MCIDAS: variants seen among roughly 807,000 people sequenced by gnomAD.
The protein encoded by MCIDAS is multiciliate differentiation and DNA synthesis associated cell cycle protein, also known as multicilin.
Under a neutral mutation model 35.4 loss-of-function variants are expected in MCIDAS, and 23 were observed. That is an observed-to-expected ratio of 0.65 (90% CI 0.47 to 0.92). The LOEUF (loss-of-function observed/expected upper bound fraction) is 0.92, where lower values mean the gene tolerates loss of function less well. MCIDAS is among the 40% of genes least tolerant of loss of function. MCIDAS has a pLI of 0.00. For missense variants in MCIDAS, 480 were observed against 531.8 expected, an observed-to-expected ratio of 0.90 and a Z score of 0.96; for synonymous variants, 228 against 235.2, an observed-to-expected ratio of 0.97 and a Z score of 0.28.
At chr5:55,220,857 G>C in intron 6 of MCIDAS, 51 bp from the exon 7 acceptor site, 1 of 1,494,308 alleles carries the variant, frequency 6.7e-7, no homozygotes. Context: ...GACCCTCCGG[G>C]TTCGGAGCGT....
rs1745407309 is a variant in MCIDAS, at chr5:55,223,782, T to C, written c.310-759A>G. ...AGGAGAATACGGGAAAAGCTTCTGT[T>C]CTGCGCACAGCCAGTGCGGCCTCCA... is the stretch of plus-strand genomic sequence containing the variant. On this transcript the variant is annotated intron_variant, in intron 3 of 6. Transcript: ENST00000513312. This position sits in a 1 kb window ranked among gnomAD's most constrained non-coding sequence, Gnocchi z 4.4. Among the ~76,000 whole-genome samples, 1 of 152,190 alleles carries C rather than the reference T, an allele frequency of 6.6e-6. No individual in the cohort carries two copies. The highest frequency in any genetic ancestry group is 6.5e-5 in the Admixed American group (1 of 15,284).
intron 4 of MCIDAS, 107 bp from the exon 5 acceptor site, chr5:55,222,506 T>G (rs947874657): frequency 9.5e-6 from 9 of 944,580 alleles, no homozygotes; most frequent in Middle Eastern, 3.2e-4. Context: ...TTTTTCTTTA[T>G]TAAATTAAGC....
intron 4 of MCIDAS, 85 bp from the exon 5 acceptor site, chr5:55,222,484 T>A (rs991927100): frequency 2.7e-6 from 3 of 1,109,358 alleles, no homozygotes; most frequent in African/African-American, 3.2e-5. Context: ...GGGTGTAGGG[T>A]GTATGTAGAG....
Position 55,223,086 on chromosome 5 carries a change from A to G in MCIDAS, c.310-63T>C. 9 of 1,353,052 alleles carry G rather than the reference A, an allele frequency of 6.7e-6. No individual in the cohort carries two copies. The highest frequency in any genetic ancestry group is 1.4e-5 in the African/African-American group (1 of 69,448). The allele number at this position is 1,353,052 out of a possible 1,614,324, so 83.8% of individuals were successfully genotyped here. A position where few individuals can be genotyped will look rare whatever the true frequency, so the allele number is the denominator to read the frequency against. On this transcript the variant is annotated intron_variant, in intron 3 of 6. Transcript: ENST00000513312. This position sits in a 1 kb window ranked among gnomAD's most constrained non-coding sequence, Gnocchi z 4.4. ...TGGCGTTAGAAAGCCTTCAATAAAT[A>G]TTGGCGTCCCTGTTAAAAATCTGGC...
chr5:55,224,788 A>T (rs991702347), intron 3 of MCIDAS, among the ~76,000 whole-genome samples: 3 of 152,132 alleles, frequency 2.0e-5, no homozygotes, highest in Admixed American at 1.3e-4. Flanking sequence ...ATGTGATCTG[A>T]GTGTCCCAGG....
In MCIDAS at chr5:55,224,047, A is replaced by G. The variant is rs116834645; in HGVS notation, c.310-1024T>C. 8.8e-3 allele frequency among the ~76,000 whole-genome samples: 1,336 copies of G among 152,214 alleles called. 18 individuals carry two copies. Among genetic ancestry groups the G allele is most frequent in the African/African-American group, 0.03 (1,261 of 41,544 alleles). On this transcript the variant is annotated intron_variant, in intron 3 of 6. Coordinates refer to ENST00000513312, the MANE Select transcript of MCIDAS (RefSeq NM_001190787.3). ...AGTTCATCCTCATACCAGTGTGGGA[A>G]GCGGCAGGGGCCTAACTGATTCCTC...
intron 3 of MCIDAS, among the ~76,000 whole-genome samples, chr5:55,226,287 G>A (rs777095237): frequency 6.6e-6 from 1 of 152,172 alleles, no homozygotes; most frequent in Non-Finnish European, 1.5e-5. Context: ...TCTTGTCACA[G>A]CTCCAAAGAG....
chr5:55,220,790 T>C lies in MCIDAS; in HGVS notation c.734A>G (p.Gln245Arg). ...GGCCGCCGCCCCACAATCCCGGGAC[T>C]GTGTGATCATCAGCTTCTACGAAAG... is the stretch of plus-strand genomic sequence containing the variant. ...ASVLDKLMITQSRDCGAAAEP... is the reference protein window; with the variant it reads ...ASVLDKLMITRSRDCGAAAEP... The change falls in exon 7 of 7, where the codon CAG becomes CGG. Residue 245 changes from glutamine to arginine, a missense_variant. By Grantham distance (43) the Gln-to-Arg change is conservative (BLOSUM62 1). Transcript: ENST00000513312. 9.2e-6 allele frequency: 14 copies of C among 1,527,290 alleles called. No individual in the cohort carries two copies. Among genetic ancestry groups the C allele is most frequent in the Non-Finnish European group, 1.2e-5 (14 of 1,140,018 alleles). The allele number at this position is 1,527,290 out of a possible 1,614,324, so 94.6% of individuals were successfully genotyped here.
At chr5:55,221,934 AT>A (rs1462576536) in intron 5 of MCIDAS, among the ~76,000 whole-genome samples, 1 of 152,114 alleles carries the variant, frequency 6.6e-6, no homozygotes, top group Non-Finnish European at 1.5e-5. Context: ...CAAAAAAAAA[AT>A]GAATAAATAA....
rs539366548 is a variant in MCIDAS at position 55,220,941 on chromosome 5, C to G, written c.717+75G>C. 5.5e-6 allele frequency: 8 copies of G among 1,459,122 alleles called. No homozygotes were observed. In the African/African-American group the frequency reaches 1.1e-4, roughly 20 times the overall value. The allele number at this position is 1,459,122 out of a possible 1,614,324, so 90.4% of individuals were successfully genotyped here. On this transcript the variant is annotated intron_variant, in intron 6 of 6. Transcript: ENST00000513312. ...TCCTCTCCCGGGCCCCCACGGGTCC[C>G]GATGCTGGGCGGGGATGCACTGAAC...
intron 6 of MCIDAS, 25 bp from the exon 7 acceptor site, chr5:55,220,831 G>A: frequency 2.0e-6 from 3 of 1,511,612 alleles, no homozygotes; most frequent in South Asian, 1.2e-5. Context: ...GAAGAGCGCC[G>A]CCCTGGGGCC....
In MCIDAS at chr5:55,226,683, G is replaced by C. The variant is rs1016989420; in HGVS notation, c.218-16C>G. 5 of 1,480,496 alleles carry C rather than the reference G, an allele frequency of 3.4e-6. No homozygotes were observed. Among genetic ancestry groups the C allele is most frequent in the Non-Finnish European group, 4.5e-6 (5 of 1,121,794 alleles). The allele number at this position is 1,480,496 out of a possible 1,614,324, so 91.7% of individuals were successfully genotyped here. On this transcript the variant is annotated splice_polypyrimidine_tract_variant and intron_variant, in intron 2 of 6. Coordinates refer to ENST00000513312, the MANE Select transcript of MCIDAS (RefSeq NM_001190787.3). ...GTGGTGAGGGCTGCGCGGGGAGACC[G>C]GGAGACACGCGCCGGGCGGGCCCTG...
At position 55,220,238 on chromosome 5, in the gene MCIDAS, G is replaced by T; in HGVS notation, c.*128C>A. On this transcript the variant is annotated 3_prime_UTR_variant, in exon 7 of 7. Transcript: ENST00000513312. ...TGTAGCAGAAATTTACAATGCATCGGTATCAAGATGCTTTTGTTCCTGAAA... is the reference window on the plus strand; with the variant it reads ...TGTAGCAGAAATTTACAATGCATCGTTATCAAGATGCTTTTGTTCCTGAAA... The T allele has an allele frequency of 2.3e-6, 2 of 853,086 alleles. No individual in the cohort carries two copies. The highest frequency in any genetic ancestry group is 1.8e-6 in the Non-Finnish European group (1 of 568,020). The allele number at this position is 853,086 out of a possible 1,614,324, so 52.8% of individuals were successfully genotyped here.
Position 55,222,252 on chromosome 5 carries a change from G to A in MCIDAS, c.530C>T (p.Pro177Leu), listed in dbSNP as rs1233452550. ...SPPLRPPDVPPPEQYWKEVAD... is the reference protein window; with the variant it reads ...SPPLRPPDVPLPEQYWKEVAD... Reference sequence around the variant, plus strand: ...CACCTCCTTCCAGTATTGCTCAGGCGGGGGCACGTCTGGAGGGCGCAGCGG... The same window carrying A: ...CACCTCCTTCCAGTATTGCTCAGGCAGGGGCACGTCTGGAGGGCGCAGCGG... The change falls in exon 5 of 7, where the codon CCG (proline) becomes CTG (leucine). Residue 177 changes from proline (P) to leucine (L), a missense_variant. Coordinates refer to ENST00000513312, the MANE Select transcript of MCIDAS (RefSeq NM_001190787.3). 3 of 1,536,060 alleles carry A rather than the reference G, an allele frequency of 2.0e-6. No homozygotes were observed. The highest frequency in any genetic ancestry group is 2.6e-6 in the Non-Finnish European group (3 of 1,146,906).
chr5:55,220,433 G>T lies in MCIDAS; in HGVS notation c.1091C>A (p.Pro364His), dbSNP rs1288969228. ...TCTGATGGTGAAGGCATTGCCCTGG[G>T]GGAAGGCGAGGGTGCGGATGGTGCT... ...SHSTIRTLAF[P>H]QGNAFTIRTA... The change falls in exon 7 of 7, where the codon CCC becomes CAC. Residue 364 changes from proline to histidine, a missense_variant. Coordinates refer to ENST00000513312, the MANE Select transcript of MCIDAS (RefSeq NM_001190787.3). 4 of 1,536,122 alleles carry T rather than the reference G, an allele frequency of 2.6e-6. No homozygotes were observed. In the South Asian group the frequency reaches 4.8e-5, roughly 18 times the overall value.
chr5:55,220,703 C>T lies in MCIDAS; in HGVS notation c.821G>A (p.Gly274Glu), dbSNP rs181843638. 931 of 1,536,024 alleles carry T rather than the reference C, an allele frequency of 6.1e-4. 10 individuals are homozygous for T. In the Admixed American group the frequency reaches 0.014, roughly 23 times the overall value. The part of the protein sequence containing the change: ...RSLEELVSAA[G>E]QDCAEVDAIL... ...GGCGTCCACTTCCGCGCAATCCTGC[C>T]CCGCAGCGCTGACCAACTCCTCCAG... Residue 274 changes from glycine to glutamate, a missense_variant, in exon 7 of 7, where the codon GGG (glycine) becomes GAG (glutamate). Coordinates refer to ENST00000513312, the MANE Select transcript of MCIDAS (RefSeq NM_001190787.3).
At chr5:55,225,380 T>C (rs1745438947) in intron 3 of MCIDAS, among the ~76,000 whole-genome samples, 1 of 152,226 alleles carries the variant, frequency 6.6e-6, no homozygotes, top group Non-Finnish European at 1.5e-5. Flanking sequence ...TGCTTGGGTT[T>C]TGTTACTTGC....
At chr5:55,226,423 G>A (rs1269438706) in intron 3 of MCIDAS, among the ~76,000 whole-genome samples, 153 bp downstream of exon 3, 1 of 152,200 alleles carries the variant, frequency 6.6e-6, no homozygotes, top group African/African-American at 2.4e-5. Flanking sequence ...GTTCTGATCT[G>A]GGAGGCTCAG....
Position 55,220,208 on chromosome 5 carries a change from T to C in MCIDAS, c.*158A>G. 1.4e-6 allele frequency: 1 copy of C among 701,908 alleles called. No homozygotes were observed. The highest frequency in any genetic ancestry group is 2.3e-6 in the Non-Finnish European group (1 of 431,550). 43.5% of individuals were successfully genotyped at this position (701,908 alleles called of 1,614,324 possible). ...TGTGACAAGGGGAGGGGCTATACAA[T>C]GTTTTGTAGCAGAAATTTACAATGC... On this transcript the variant is annotated 3_prime_UTR_variant, in exon 7 of 7. Coordinates refer to ENST00000513312, the MANE Select transcript of MCIDAS (RefSeq NM_001190787.3).
Sources: gnomAD v4.1 joint callset for allele counts (sites outside exome capture counted in the v4.1 genomes callset) on GRCh38, gnomAD v4.1.1 for gene constraint, Gnocchi (gnomAD v3.1) non-coding constraint, MANE v1.5 for transcripts, NCBI Gene and HGNC (gene_info 2026-07-23, HGNC 2026-07-21) for gene names.